MAF: variants seen among roughly 807,000 people sequenced by gnomAD.
MAF encodes transcription factor Maf.
In MAF, 10 loss-of-function variants were observed where a neutral mutation model predicts 22.0. The ratio of observed to expected loss-of-function variants is 0.45; its 90% CI spans 0.28 to 0.77. The LOEUF is 0.77. MAF is among the 30% of genes least tolerant of loss of function. The pLI is 0.12. For synonymous variants in MAF, 337 were observed against 255.8 expected (o/e 1.32, Z -3.03); for missense variants, 544 against 548.4 (o/e 0.99, Z 0.08).
chr16:79,264,152 T>TTG, the MAF span, among the ~76,000 whole-genome samples: 2 of 152,132 alleles, frequency 1.3e-5, no homozygotes, highest in Admixed American at 1.3e-4. Flanking sequence ...AGAAGTGAGA[T>TTG]CATATTGTAG....
chr16:79,439,548 C>T, the MAF span, among the ~76,000 whole-genome samples: 2 of 152,154 alleles, frequency 1.3e-5, no homozygotes, highest in South Asian at 4.1e-4. Flanking sequence ...GTGTGAGCCA[C>T]CAGCGCCTGG....
chr16:79,445,078 G>A, the MAF span, among the ~76,000 whole-genome samples: 9 of 152,088 alleles, frequency 5.9e-5, no homozygotes, highest in Admixed American at 5.9e-4. Flanking sequence ...CTGTCGCCCA[G>A]ACTGGAGTGC....
rs1393862800 is a variant in MAF, at chr16:79,594,438, A to T, written c.*22T>A. The T allele has an allele frequency of 6.5e-7, 1 of 1,547,960 alleles. No individual in the cohort carries two copies. The highest frequency in any genetic ancestry group is 8.7e-7 in the Non-Finnish European group (1 of 1,143,348). ...ATAATAATAATGATGATTTTTTTTA[A>T]TGTACAGCTCTCACACAAATTTCAT... On this transcript the variant is annotated 3_prime_UTR_variant, in exon 2 of 2. Transcript: ENST00000326043.
the MAF span, among the ~76,000 whole-genome samples, chr16:79,232,148 C>A: frequency 2.6e-5 from 4 of 152,038 alleles, no homozygotes; most frequent in South Asian, 8.3e-4. Context: ...ACTGCGCATT[C>A]CAGTTCCTAA....
chr16:79,471,434 G>A, the MAF span, among the ~76,000 whole-genome samples: 2 of 152,194 alleles, frequency 1.3e-5, no homozygotes, highest in African/African-American at 4.8e-5. Flanking sequence ...AAGGCAGGCA[G>A]ATTGCTTGAG....
the MAF span, among the ~76,000 whole-genome samples, chr16:79,407,066 G>A: frequency 6.6e-6 from 1 of 152,190 alleles, no homozygotes; most frequent in Non-Finnish European, 1.5e-5. Flanking sequence ...CTTCCAGCAT[G>A]TGCTAATATG....
At chr16:79,501,520 A>G in the MAF span, among the ~76,000 whole-genome samples, 1 of 152,046 alleles carries the variant, frequency 6.6e-6, no homozygotes, top group Non-Finnish European at 1.5e-5. Context: ...TTTTATGTCA[A>G]AATGCTTGAG....
chr16:79,417,265 T>C, the MAF span, among the ~76,000 whole-genome samples: 1 of 152,116 alleles, frequency 6.6e-6, no homozygotes, highest in African/African-American at 2.4e-5. Flanking sequence ...AAGCCTGTGG[T>C]GAACTACACC....
chr16:79,508,839 T>C, the MAF span, among the ~76,000 whole-genome samples: 1 of 152,126 alleles, frequency 6.6e-6, no homozygotes, highest in Non-Finnish European at 1.5e-5. Context: ...AGACAGTAGA[T>C]TAACAGTTCC....
the MAF span, among the ~76,000 whole-genome samples, chr16:79,391,077 G>A: frequency 2.0e-5 from 3 of 152,240 alleles, no homozygotes; most frequent in South Asian, 4.2e-4. Flanking sequence ...GTGGGCTAAC[G>A]AGGTGGAAGC....
chr16:79,547,733 A>T, the MAF span, among the ~76,000 whole-genome samples: 1 of 152,196 alleles, frequency 6.6e-6, no homozygotes, highest in African/African-American at 2.4e-5. Context: ...TTTATATATA[A>T]GCCACCATAT....
At chr16:79,466,643 C>T in the MAF span, among the ~76,000 whole-genome samples, 4 of 152,334 alleles carry the variant, frequency 2.6e-5, no homozygotes, top group East Asian at 5.8e-4. Flanking sequence ...TACTGATTTT[C>T]AAATGTTCTG....
At position 79,599,147 on chromosome 16, in the gene MAF, G is replaced by T. The variant is rs955654928; in HGVS notation, c.756C>A (p.Ala252=). The change falls in exon 1 of 2, where the codon GCC becomes GCA. Residue 252 remains alanine, a synonymous_variant. Coordinates refer to ENST00000326043, the MANE Select transcript of MAF (RefSeq NM_005360.5). ...AGGALHPHHA[A]GGLHFDDRFS... is the part of the protein sequence containing the mutation. ...AGCGGTCGTCGAAGTGCAGGCCGCC[G>T]GCGGCGTGGTGCGGGTGCAGGGCGC... The T allele has an allele frequency of 1.3e-6, 2 of 1,558,292 alleles. No homozygotes were observed. Among genetic ancestry groups the T allele is most frequent in the African/African-American group, 2.7e-5 (2 of 73,698 alleles).
the MAF span, among the ~76,000 whole-genome samples, chr16:79,322,899 C>G: frequency 6.6e-6 from 1 of 151,768 alleles, no homozygotes; most frequent in Admixed American, 6.6e-5. Flanking sequence ...GCCTGTAATC[C>G]CAGCACTTTG....
chr16:79,403,168 G>A, the MAF span, among the ~76,000 whole-genome samples: 4 of 152,180 alleles, frequency 2.6e-5, no homozygotes, highest in South Asian at 6.2e-4. Flanking sequence ...GCACCTTCTG[G>A]CATGTCGTTC....
At chr16:79,222,359 A>G in the MAF span, among the ~76,000 whole-genome samples, 1 of 152,290 alleles carries the variant, frequency 6.6e-6, no homozygotes, top group African/African-American at 2.4e-5. Flanking sequence ...GAAAGGAACA[A>G]CTGATACCAG....
the MAF span, among the ~76,000 whole-genome samples, chr16:79,475,638 G>A: frequency 6.6e-6 from 1 of 152,090 alleles, no homozygotes; most frequent in East Asian, 1.9e-4. Flanking sequence ...TAAGGGTGTG[G>A]GTTATGTGGG....
At chr16:79,533,991 C>T in the MAF span, among the ~76,000 whole-genome samples, 1 of 152,188 alleles carries the variant, frequency 6.6e-6, no homozygotes, top group Non-Finnish European at 1.5e-5. Flanking sequence ...CTCCCCTCAG[C>T]TCACCTGAAG....
the MAF span, among the ~76,000 whole-genome samples, chr16:79,569,216 C>T: frequency 1.5e-4 from 23 of 152,222 alleles, no homozygotes; most frequent in African/African-American, 4.8e-4. Context: ...AGGGTCTTCC[C>T]TGTGCATTGT....
Sources: allele counts gnomAD v4.1 joint callset (sites outside exome capture counted in the v4.1 genomes callset), GRCh38; gene constraint gnomAD v4.1.1; transcripts MANE v1.5; gene names NCBI Gene and HGNC (gene_info 2026-07-23, HGNC 2026-07-21).